Variants in COL4A4 observed in about 807,000 individuals in gnomAD.
The protein encoded by COL4A4 is collagen alpha-4(IV) chain.
COL4A4 carries 105 observed loss-of-function variants against 192.9 expected under a neutral mutation model. The ratio of observed to expected loss-of-function variants is 0.54; its 90% confidence interval spans 0.46 to 0.64. COL4A4 has a LOEUF of 0.64. COL4A4 is among the 30% of genes least tolerant of loss of function. COL4A4 has a pLI of 0.00. For synonymous variants in COL4A4, 762 were observed against 769.9 expected (o/e 0.99, Z 0.17); for missense variants, 1,967 against 2,169.3 (o/e 0.91, Z 1.85).
In COL4A4 at chr2:227,057,610, T is replaced by C; in HGVS notation, c.2384-10A>G. The C allele has an allele frequency of 6.2e-7, 1 of 1,613,992 alleles. No individual in the cohort carries two copies. The highest frequency in any genetic ancestry group is 8.5e-7 in the Non-Finnish European group (1 of 1,179,912). ...GGAATGCCAGCTGGCCCTGAAATGA[T>C]ACAATACATCCATGACATTCATGAC... On this transcript the variant is annotated splice_polypyrimidine_tract_variant and intron_variant, in intron 28 of 47. Coordinates refer to ENST00000396625, the MANE Select transcript of COL4A4 (RefSeq NM_000092.5).
At chr2:227,039,092 C>T (rs772375360) in intron 37 of COL4A4, among the ~76,000 whole-genome samples, 10 of 152,084 alleles carry the variant, frequency 6.6e-5, no homozygotes, top group East Asian at 3.9e-4. Context: ...TTTCATAGCA[C>T]GGAATTATGA....
the COL4A4 span, among the ~76,000 whole-genome samples, chr2:226,974,299 G>A: frequency 2.0e-5 from 3 of 151,990 alleles, no homozygotes; most frequent in African/African-American, 4.8e-5. Flanking sequence ...GTGCAGTGGT[G>A]TGATCTCGGC....
intron 35 of COL4A4, among the ~76,000 whole-genome samples, chr2:227,044,862 A>G (rs1166776785): frequency 2.6e-5 from 4 of 152,208 alleles, no homozygotes. Flanking sequence ...CTAGTGAATA[A>G]CATATAATAC....
chr2:227,106,997 G>A (rs946310535), intron 12 of COL4A4, among the ~76,000 whole-genome samples: 1 of 152,238 alleles, frequency 6.6e-6, no homozygotes, highest in South Asian at 2.1e-4. Context: ...GTTTGCAAAT[G>A]TGTCTGATTG....
At position 227,116,262 on chromosome 2, in the gene COL4A4, T is replaced by C. The variant is rs190024125; in HGVS notation, c.490-1566A>G. Among the ~76,000 whole-genome samples, 13 of 152,334 alleles carry C rather than the reference T, an allele frequency of 8.5e-5. No individual in the cohort carries two copies. The East Asian group carries it at 2.3e-3, about 27-fold the overall frequency. On this transcript the variant is annotated intron_variant, in intron 7 of 47. Transcript: ENST00000396625. The stretch of plus-strand genomic sequence containing the variant: ...GTGTGTTTCAGTTCTTTGATACTTC[T>C]TGAGAGGCCTGGGGGTCCTCTCCTG...
intron 4 of COL4A4, among the ~76,000 whole-genome samples, chr2:227,132,522 T>C (rs1471253189): frequency 6.6e-6 from 1 of 152,178 alleles, no homozygotes; most frequent in Non-Finnish European, 1.5e-5. Context: ...TTGCCTGTAA[T>C]CCCAGCACTT....
the COL4A4 span, among the ~76,000 whole-genome samples, chr2:226,969,862 A>T: frequency 6.6e-6 from 1 of 152,144 alleles, no homozygotes; most frequent in Non-Finnish European, 1.5e-5. Flanking sequence ...TTTTATTTAA[A>T]CACACTGTAT....
chr2:227,024,760 T>C (rs1321890531), intron 43 of COL4A4, among the ~76,000 whole-genome samples: 1 of 152,268 alleles, frequency 6.6e-6, no homozygotes, highest in African/African-American at 2.4e-5. Context: ...TGTATTTTTA[T>C]AATAAGTACA....
the COL4A4 span, among the ~76,000 whole-genome samples, chr2:226,988,143 C>T: frequency 6.6e-6 from 1 of 152,262 alleles, no homozygotes; most frequent in Admixed American, 6.5e-5. Context: ...AGTGTATTAT[C>T]ATTTAAACAC....
Position 227,051,142 on chromosome 2 carries a change from G to T in COL4A4, c.2985C>A (p.Pro995=). Residue 995 remains proline (P), a synonymous_variant, in exon 33 of 48, where the codon CCC becomes CCA. Transcript: ENST00000396625. Reference sequence around the variant, plus strand: ...GCTCTCCTCTTCTCCCTTGCATCCCGGGAGTTCCTTTATCACCTGATGAAG... The same window carrying T: ...GCTCTCCTCTTCTCCCTTGCATCCCTGGAGTTCCTTTATCACCTGATGAAG... ...FPGERGDKGT[P]GMQGRRGEPG... is the part of the protein sequence containing the mutation. 1 of 1,614,054 alleles carries T rather than the reference G, an allele frequency of 6.2e-7. No individual in the cohort carries two copies. The highest frequency in any genetic ancestry group is 8.5e-7 in the Non-Finnish European group (1 of 1,179,990).
At chr2:226,967,706 G>A in the COL4A4 span, among the ~76,000 whole-genome samples, 6 of 152,214 alleles carry the variant, frequency 3.9e-5, no homozygotes, top group South Asian at 1.2e-3. Flanking sequence ...ATAGTGGAAA[G>A]AAGGTAATTC....
chr2:227,031,207 T>TA (rs1451290153), intron 40 of COL4A4, among the ~76,000 whole-genome samples: 2 of 152,244 alleles, frequency 1.3e-5, no homozygotes, highest in Non-Finnish European at 2.9e-5. Context: ...ATTATATTCC[T>TA]ACTTAGCTTC....
At chr2:227,135,971 G>A (rs901053091) in intron 4 of COL4A4, among the ~76,000 whole-genome samples, 3 of 152,082 alleles carry the variant, frequency 2.0e-5, no homozygotes, top group African/African-American at 4.8e-5. Context: ...TAATTTATGT[G>A]TATTAACTGC....
At chr2:227,103,298 TA>T (rs111292507) in intron 13 of COL4A4, 101 bp from the exon 14 acceptor site, 16,904 of 677,244 alleles carry the variant, frequency 0.025, 4 homozygotes, top group South Asian at 0.03. Flanking sequence ...TGTTTCACCT[TA>T]AAAAAAAAAA....
intron 43 of COL4A4, among the ~76,000 whole-genome samples, chr2:227,022,796 G>A (rs755924098): frequency 3.2e-4 from 48 of 152,318 alleles, no homozygotes; most frequent in Non-Finnish European, 4.9e-4. Flanking sequence ...GATGTGGCCT[G>A]AGCAGTGTCC....
intron 22 of COL4A4, among the ~76,000 whole-genome samples, chr2:227,085,666 T>G (rs1025588719): frequency 3.9e-5 from 6 of 152,092 alleles, no homozygotes; most frequent in African/African-American, 1.4e-4. Flanking sequence ...GGTCCCAGAC[T>G]CCTTTGAACA....
At chr2:227,092,138 T>C (rs1348947970) in intron 20 of COL4A4, among the ~76,000 whole-genome samples, 9 of 152,100 alleles carry the variant, frequency 5.9e-5, no homozygotes, top group Admixed American at 5.9e-4. Flanking sequence ...AGTATCTAAA[T>C]GTTATGAGTT....
rs2060532858 is a variant in COL4A4, at chr2:227,101,704, CT to C, written c.976-148del. 21 of 1,102,290 alleles carry C rather than the reference CT, an allele frequency of 1.9e-5. No individual in the cohort carries two copies. The South Asian group carries it at 2.9e-4, about 15-fold the overall frequency. 68.3% of individuals were successfully genotyped at this position (1,102,290 alleles called of 1,614,324 possible). On this transcript the variant is annotated intron_variant, in intron 16 of 47. Coordinates refer to ENST00000396625, the MANE Select transcript of COL4A4 (RefSeq NM_000092.5). ...ATCAGTTGCATCAGACAATCTTGTGCTTCAATTTTTGCACCCACAGCTAAAT... is the reference window on the plus strand; with the variant it reads ...ATCAGTTGCATCAGACAATCTTGTGCTCAATTTTTGCACCCACAGCTAAAT...
intron 25 of COL4A4, among the ~76,000 whole-genome samples, chr2:227,064,074 G>A (rs1012581728): frequency 2.6e-5 from 4 of 152,204 alleles, no homozygotes; most frequent in African/African-American, 9.6e-5. Context: ...GCCCAGAAGA[G>A]ACTCATTTTA....
Sources: gnomAD v4.1 joint callset for allele counts (sites outside exome capture counted in the v4.1 genomes callset) on GRCh38, gnomAD v4.1.1 for gene constraint, MANE v1.5 for transcripts, NCBI Gene and HGNC (gene_info 2026-07-23, HGNC 2026-07-21) for gene names.